MORC3: variants seen among roughly 807,000 people sequenced by gnomAD.
MORC3 encodes MORC family CW-type zinc finger 3, also known as MORC family CW-type zinc finger protein 3.
In MORC3, 31 loss-of-function variants were observed where a neutral mutation model predicts 109.1. That is an observed-to-expected ratio of 0.28 (90% CI 0.21 to 0.38). The LOEUF (loss-of-function observed/expected upper bound fraction) is 0.38. Ranked by LOEUF, MORC3 falls within the 10% of genes least tolerant of loss-of-function variation. The pLI, the probability that MORC3 is intolerant of heterozygous loss-of-function variation, is 1.00. For missense variants in MORC3, 867 were observed against 1,135.8 expected (o/e 0.76, Z 3.40); for synonymous variants, 395 against 380.7 (o/e 1.04, Z -0.44).
chr21:36,339,857 T>A (rs2085420513), intron 5 of MORC3, among the ~76,000 whole-genome samples: 1 of 152,192 alleles, frequency 6.6e-6, no homozygotes, highest in Admixed American at 6.5e-5. Flanking sequence ...TCCCTACCCC[T>A]CCTTCTCCTG....
At chr21:36,352,489 T>G (rs1569100993) in intron 9 of MORC3, among the ~76,000 whole-genome samples, 1 of 152,150 alleles carries the variant, frequency 6.6e-6, no homozygotes, top group Non-Finnish European at 1.5e-5. Flanking sequence ...GTGTTTTGGT[T>G]TGGATTTTTT....
At chr21:36,363,094 C>T (rs1438864776) in intron 13 of MORC3, among the ~76,000 whole-genome samples, 1 of 152,066 alleles carries the variant, frequency 6.6e-6, no homozygotes, top group Non-Finnish European at 1.5e-5. Flanking sequence ...CCTAGGCTTA[C>T]CGTAGAGTTA....
In MORC3 at chr21:36,359,886, G is replaced by T. The variant is rs188637508; in HGVS notation, c.1209-69G>T. ...AATGGCATCTTGTGGTAGAAATGAT[G>T]TGGAACATCTGATGAAGTATTTAGA... On this transcript the variant is annotated intron_variant, in intron 10 of 16. Coordinates refer to ENST00000400485, the MANE Select transcript of MORC3 (RefSeq NM_015358.3). 747 of 1,566,732 alleles carry T rather than the reference G, an allele frequency of 4.8e-4. 5 individuals are homozygous for T. Among genetic ancestry groups the T allele is most frequent in the Non-Finnish European group, 9.3e-5 (106 of 1,141,028 alleles).
chr21:36,331,616 C>CAAAG (rs2085316476), intron 1 of MORC3, among the ~76,000 whole-genome samples: 1 of 150,338 alleles, frequency 6.7e-6, no homozygotes. Flanking sequence ...AAACAAAAAA[C>CAAAG]AAACAAAAAA....
At chr21:36,337,323 T>C (rs1185196982) in intron 3 of MORC3, among the ~76,000 whole-genome samples, 3 of 152,332 alleles carry the variant, frequency 2.0e-5, no homozygotes, top group African/African-American at 4.8e-5. Context: ...TACCACTTTG[T>C]TGGGAGTAAC....
At chr21:36,330,899 C>G (rs1277643407) in intron 1 of MORC3, among the ~76,000 whole-genome samples, 1 of 152,172 alleles carries the variant, frequency 6.6e-6, no homozygotes, top group Non-Finnish European at 1.5e-5. Context: ...TTTAGAAAGT[C>G]TTGAGTTACC....
At chr21:36,329,779 C>T (rs1024166155) in intron 1 of MORC3, among the ~76,000 whole-genome samples, 3 of 152,126 alleles carry the variant, frequency 2.0e-5, no homozygotes, top group African/African-American at 7.2e-5. Context: ...TTGAAATTGC[C>T]TTGCAAAGTT....
At chr21:36,357,432 AAAG>A (rs1252217103) in intron 10 of MORC3, among the ~76,000 whole-genome samples, 15 of 152,100 alleles carry the variant, frequency 9.9e-5, no homozygotes, top group Non-Finnish European at 2.9e-5. Context: ...ATATTTAAAA[AAAG>A]TTTTATACAG....
At chr21:36,358,746 C>G (rs549874247) in intron 10 of MORC3, among the ~76,000 whole-genome samples, 2 of 151,878 alleles carry the variant, frequency 1.3e-5, no homozygotes, top group African/African-American at 4.8e-5. Context: ...GTGGCGCAAT[C>G]TCGGCTCACT....
intron 8 of MORC3, among the ~76,000 whole-genome samples, chr21:36,346,570 A>G (rs1407812338): frequency 6.6e-6 from 1 of 151,928 alleles, no homozygotes; most frequent in Non-Finnish European, 1.5e-5. Context: ...CATATTTGAG[A>G]GGTCTGGGCC....
intron 14 of MORC3, among the ~76,000 whole-genome samples, chr21:36,368,358 C>G (rs1205657594): frequency 6.6e-6 from 1 of 151,662 alleles, no homozygotes; most frequent in African/African-American, 2.4e-5. Context: ...AAAGAAGGGG[C>G]CGGGGTGGGT....
chr21:36,372,329 A>G (rs761761148), intron 15 of MORC3, 45 bp from the exon 16 acceptor site: 1 of 1,459,926 alleles, frequency 6.8e-7, no homozygotes, highest in Admixed American at 2.6e-5. Flanking sequence ...TGCCATTAGT[A>G]TTTTTAAGTT....
intron 5 of MORC3, chr21:36,339,141 C>G (rs1004428566): frequency 1.3e-5 from 5 of 375,284 alleles, no homozygotes; most frequent in Non-Finnish European, 2.3e-5. Context: ...TTTTTTGAGA[C>G]GAAGTCTCAC....
In MORC3 at chr21:36,337,825, A is replaced by T; in HGVS notation, c.339A>T (p.Lys113Asn). ...AGTCGGGTTCTATGCGTCTGGGTAA[A>T]GACGCAATCGTTTTTACCAAAAATG... The part of the protein sequence containing the change: ...GFKSGSMRLG[K>N]DAIVFTKNGE... Residue 113 changes from lysine to asparagine, a missense_variant, in exon 4 of 17, where the codon AAA (lysine) becomes AAT (asparagine). Coordinates refer to ENST00000400485, the MANE Select transcript of MORC3 (RefSeq NM_015358.3). 6.2e-7 allele frequency: 1 copy of T among 1,614,168 alleles called. No individual in the cohort carries two copies. The highest frequency in any genetic ancestry group is 1.3e-5 in the African/African-American group (1 of 75,028).
intron 9 of MORC3, 89 bp downstream of exon 9, chr21:36,349,497 G>GA: frequency 1.3e-6 from 1 of 784,356 alleles, no homozygotes; most frequent in Non-Finnish European, 2.0e-6. Flanking sequence ...GTGAATCTCA[G>GA]AAATACCTTA....
chr21:36,325,836 G>A (rs761008258), intron 1 of MORC3, among the ~76,000 whole-genome samples: 6 of 152,210 alleles, frequency 3.9e-5, no homozygotes, highest in Non-Finnish European at 8.8e-5. Flanking sequence ...TATCCACACT[G>A]TGGATATATG....
In MORC3 at chr21:36,355,412, C is replaced by A. The variant is rs573039039; in HGVS notation, c.1104-1208C>A. Among the ~76,000 whole-genome samples, 14 of 152,216 alleles carry A rather than the reference C, an allele frequency of 9.2e-5. No individual in the cohort carries two copies. In the East Asian group the frequency reaches 2.7e-3, roughly 29 times the overall value. ...TCAGAAAAAGAATTTCTCATCCAGG[C>A]CTTCTATTTGTGCAACCAAAAGACT... On this transcript the variant is annotated intron_variant, in intron 9 of 16. Coordinates refer to ENST00000400485, the MANE Select transcript of MORC3 (RefSeq NM_015358.3).
chr21:36,353,522 C>T (rs1287588920), intron 9 of MORC3, among the ~76,000 whole-genome samples: 2 of 151,806 alleles, frequency 1.3e-5, no homozygotes, highest in African/African-American at 4.8e-5. Context: ...GGGTAGATCA[C>T]TTGAGATTAG....
intron 1 of MORC3, among the ~76,000 whole-genome samples, chr21:36,324,340 C>T (rs529079799): frequency 1.9e-3 from 269 of 143,850 alleles, no homozygotes; most frequent in African/African-American, 6.4e-3. Flanking sequence ...TGCAGTGGCG[C>T]GATCTCGGCT....
Sources: gnomAD v4.1 joint callset for allele counts (sites outside exome capture counted in the v4.1 genomes callset) on GRCh38, gnomAD v4.1.1 for gene constraint, MANE v1.5 for transcripts, NCBI Gene and HGNC (gene_info 2026-07-23, HGNC 2026-07-21) for gene names.